Variants in AFF3 observed in about 807,000 individuals in gnomAD.
AFF3 encodes AF4/FMR2 family member 3.
AFF3 carries 32 observed loss-of-function variants against 129.7 expected under a neutral mutation model. That is an observed-to-expected ratio of 0.25 (90% confidence interval 0.19 to 0.33). The LOEUF is 0.33. Among genes scored for constraint, AFF3 ranks in the 10% least tolerant of loss-of-function variants. AFF3 has a pLI of 1.00. For missense variants in AFF3, 1,373 were observed against 1,592.0 expected, an observed-to-expected ratio of 0.86 and a Z score of 2.34; for synonymous variants, 644 against 635.4, an observed-to-expected ratio of 1.01 and a Z score of -0.20.
chr2:99,989,019 C>A (rs574314828), intron 7 of AFF3, among the ~76,000 whole-genome samples: 4 of 152,076 alleles, frequency 2.6e-5, no homozygotes, highest in Non-Finnish European at 4.4e-5. Flanking sequence ...GAATTCACAA[C>A]GGATTAGATA....
At chr2:99,925,104 C>G (rs1696131547) in intron 7 of AFF3, among the ~76,000 whole-genome samples, 1 of 152,044 alleles carries the variant, frequency 6.6e-6, no homozygotes, top group Non-Finnish European at 1.5e-5. Flanking sequence ...TCTCGAACTC[C>G]TGGGCTCAAG....
At chr2:99,991,867 C>A (rs1680371742) in intron 7 of AFF3, among the ~76,000 whole-genome samples, 1 of 150,776 alleles carries the variant, frequency 6.6e-6, no homozygotes, top group Non-Finnish European at 1.5e-5. Context: ...TGCGACACTG[C>A]ACTACAGCCT....
At chr2:100,045,566 G>GT (rs35208027) in intron 4 of AFF3, among the ~76,000 whole-genome samples, 22,582 of 143,408 alleles carry the variant, frequency 0.16, 1,950 homozygotes, top group East Asian at 0.29. Flanking sequence ...CTTATTGTAG[G>GT]TTTTTTTTTT....
intron 8 of AFF3, among the ~76,000 whole-genome samples, chr2:99,757,618 G>A (rs373140337): frequency 6.6e-6 from 1 of 152,166 alleles, no homozygotes; most frequent in African/African-American, 2.4e-5. Context: ...ATTTGCTGAA[G>A]TTCACCCAGC....
At chr2:100,016,349 TG>T (rs1289184122) in intron 4 of AFF3, among the ~76,000 whole-genome samples, 26 of 144,700 alleles carry the variant, frequency 1.8e-4, no homozygotes, top group Admixed American at 1.7e-3. Context: ...GTGATAGTGA[TG>T]GTGATGGTGG....
At chr2:99,770,368 A>AGG (rs1683376820) in intron 8 of AFF3, among the ~76,000 whole-genome samples, 3 of 151,214 alleles carry the variant, frequency 2.0e-5, no homozygotes, top group Admixed American at 2.0e-4. Flanking sequence ...CCTGGGACTC[A>AGG]CCCTTCAGGG....
intron 11 of AFF3, among the ~76,000 whole-genome samples, chr2:99,685,909 GGGCATGGT>G (rs1400607730): frequency 6.6e-6 from 1 of 152,050 alleles, no homozygotes; most frequent in African/African-American, 2.4e-5. Flanking sequence ...GATCCAGGCC[GGGCATGGT>G]GGCTCAAACC....
At chr2:99,672,956 G>A (rs1279114047) in intron 11 of AFF3, among the ~76,000 whole-genome samples, 1 of 151,878 alleles carries the variant, frequency 6.6e-6, no homozygotes, top group Admixed American at 6.6e-5. Flanking sequence ...TTGAGGTGAC[G>A]AATATCCTAG....
intron 8 of AFF3, among the ~76,000 whole-genome samples, chr2:99,802,386 G>A (rs2105514133): frequency 6.6e-6 from 1 of 152,238 alleles, no homozygotes; most frequent in Non-Finnish European, 1.5e-5. Flanking sequence ...AAGTTTTCTT[G>A]GCTGGGCGCG....
chr2:100,093,442 A>C (rs1443547691), intron 4 of AFF3, among the ~76,000 whole-genome samples: 1 of 151,712 alleles, frequency 6.6e-6, no homozygotes, highest in Non-Finnish European at 1.5e-5. Context: ...GAGGAATAAA[A>C]GTAAGGAAAA....
rs985866466 is a variant in AFF3, at chr2:99,727,247, G to T, written c.1040-119C>A. On this transcript the variant is annotated intron_variant, in intron 10 of 24. Coordinates refer to ENST00000672756, the MANE Select transcript of AFF3 (RefSeq NM_001386135.1). ...AATCTTTCAAAATGTGTAGCAGGAG[G>T]CTTTTAAAACATCTTTTATTGTCTG... is the stretch of plus-strand genomic sequence containing the variant. The T allele has an allele frequency of 5.8e-6, 6 of 1,030,760 alleles. No individual in the cohort carries two copies. The African/African-American group carries it at 1.0e-4, about 17-fold the overall frequency. The allele number at this position is 1,030,760 out of a possible 1,614,324, so 63.9% of individuals were successfully genotyped here. A position where few individuals can be genotyped will look rare whatever the true frequency, so the allele number is the denominator to read the frequency against.
intron 19 of AFF3, among the ~76,000 whole-genome samples, chr2:99,567,585 G>A (rs976652059): frequency 1.3e-5 from 2 of 152,246 alleles, no homozygotes; most frequent in African/African-American, 4.8e-5. Flanking sequence ...ATATGACGCC[G>A]GGAAGGAATG....
At chr2:99,882,152 G>C (rs1576267172) in intron 7 of AFF3, among the ~76,000 whole-genome samples, 2 of 151,578 alleles carry the variant, frequency 1.3e-5, no homozygotes, top group African/African-American at 4.9e-5. Flanking sequence ...TTCTTTGGCT[G>C]TTCCTGCTTA....
At chr2:99,951,796 C>T (rs970039230) in intron 7 of AFF3, among the ~76,000 whole-genome samples, 3 of 152,168 alleles carry the variant, frequency 2.0e-5, no homozygotes, top group African/African-American at 4.8e-5. Flanking sequence ...CAGGTGTGTG[C>T]CACCAGGCCT....
rs932506634 is a variant in AFF3, at chr2:100,040,717, C to T, written c.54-31785G>A. ...GCTTGCTATTTCTTTCAAAGATTTT[C>T]TCATGGACCATCACAAGTGAAAGCA... On this transcript the variant is annotated intron_variant, in intron 4 of 24. Coordinates refer to ENST00000672756, the MANE Select transcript of AFF3 (RefSeq NM_001386135.1). 4.6e-5 allele frequency among the ~76,000 whole-genome samples: 7 copies of T among 152,336 alleles called. No individual in the cohort carries two copies. In the East Asian group the frequency reaches 1.4e-3, roughly 29 times the overall value.
chr2:99,601,059 G>C (rs958992325), intron 14 of AFF3, among the ~76,000 whole-genome samples: 2 of 152,164 alleles, frequency 1.3e-5, no homozygotes, highest in African/African-American at 4.8e-5. Flanking sequence ...TGATTTATGG[G>C]TGGTCACACT....
chr2:99,582,699 C>T, intron 17 of AFF3, 99 bp downstream of exon 17: 1 of 1,321,488 alleles, frequency 7.6e-7, no homozygotes. Flanking sequence ...TCTCAAGGGA[C>T]CTCAAGCATG....
At chr2:99,611,581 G>T (rs1449842353) in intron 13 of AFF3, among the ~76,000 whole-genome samples, 1 of 151,960 alleles carries the variant, frequency 6.6e-6, no homozygotes, top group Non-Finnish European at 1.5e-5. Flanking sequence ...TGTTTGTCTG[G>T]AATAGGGTGG....
intron 13 of AFF3, among the ~76,000 whole-genome samples, chr2:99,603,467 T>C (rs1173129476): frequency 1.3e-5 from 2 of 151,974 alleles, no homozygotes; most frequent in Non-Finnish European, 2.9e-5. Context: ...TTACACCATA[T>C]ACAAAAATCG....
Sources: allele counts gnomAD v4.1 joint callset (sites outside exome capture counted in the v4.1 genomes callset), GRCh38; gene constraint gnomAD v4.1.1; transcripts MANE v1.5; gene names NCBI Gene and HGNC (gene_info 2026-07-23, HGNC 2026-07-21).